BACH2: variants seen among roughly 807,000 people sequenced by gnomAD.
BACH2 encodes the protein transcription regulator protein BACH2.
In BACH2, 5 loss-of-function variants were observed where a neutral mutation model predicts 61.8. The observed-to-expected ratio is 0.08, with a 90% CI of 0.04 to 0.17. BACH2 has a LOEUF of 0.17. Among genes scored for constraint, BACH2 ranks in the 10% least tolerant of loss-of-function variants. The pLI is 1.00. For missense variants in BACH2, 824 were observed against 1,091.1 expected (o/e 0.76, Z 3.45); for synonymous variants, 446 against 440.1 (o/e 1.01, Z -0.17).
chr6:90,168,259 CCAGAGGA>C (rs1767696495), intron 4 of BACH2, among the ~76,000 whole-genome samples: 1 of 151,980 alleles, frequency 6.6e-6, no homozygotes, highest in African/African-American at 2.4e-5. Flanking sequence ...AAGCCTGAGG[CCAGAGGA>C]CTGCTTGAGC....
At chr6:90,287,313 A>T (rs775747213) in intron 1 of BACH2, among the ~76,000 whole-genome samples, 3 of 152,226 alleles carry the variant, frequency 2.0e-5, no homozygotes, top group Non-Finnish European at 4.4e-5. Flanking sequence ...ATTTTGAAAT[A>T]AATTTATCAA....
chr6:90,071,350 T>C lies in BACH2; in HGVS notation c.-13+17611A>G, dbSNP rs560383885. Among the ~76,000 whole-genome samples, 8 of 152,340 alleles carry C rather than the reference T, an allele frequency of 5.3e-5. No individual in the cohort carries two copies. The South Asian group carries it at 1.7e-3, about 32-fold the overall frequency. On this transcript the variant is annotated intron_variant, in intron 5 of 8. Coordinates refer to ENST00000257749, the MANE Select transcript of BACH2 (RefSeq NM_021813.4). The stretch of plus-strand genomic sequence containing the variant: ...TCTTGCAGTACAGCATAATAAGTTC[T>C]GCGAAGGAGGCAGCCAGTGGGCTAT...
chr6:90,109,315 C>A (rs1274606553), intron 4 of BACH2, among the ~76,000 whole-genome samples: 1 of 152,126 alleles, frequency 6.6e-6, no homozygotes, highest in East Asian at 1.9e-4. Flanking sequence ...GAAACCACTT[C>A]TTCTTGTGGC....
intron 6 of BACH2, among the ~76,000 whole-genome samples, chr6:89,955,522 A>T (rs1181923820): frequency 6.6e-6 from 1 of 152,188 alleles, no homozygotes; most frequent in Non-Finnish European, 1.5e-5. Context: ...TTGCTTTGAT[A>T]CGATGGCTAC....
chr6:90,066,155 G>A (rs1168275097), intron 5 of BACH2, among the ~76,000 whole-genome samples: 3 of 152,180 alleles, frequency 2.0e-5, no homozygotes, highest in Non-Finnish European at 4.4e-5. Flanking sequence ...TTCACAGCCA[G>A]GCTCAGTATG....
rs188434540 is a variant in BACH2, at chr6:89,946,328, T to C, written c.1836+3942A>G. On this transcript the variant is annotated intron_variant, in intron 7 of 8. Transcript: ENST00000257749. ...AAAAATTAAAAAGACTGGTGACAACTAGTATGGGCAAGAATAGGGGAAATT... is the reference window on the plus strand; with the variant it reads ...AAAAATTAAAAAGACTGGTGACAACCAGTATGGGCAAGAATAGGGGAAATT... Among the ~76,000 whole-genome samples the C allele has an allele frequency of 2.0e-5, 3 of 152,298 alleles. No homozygotes were observed. The East Asian group carries it at 5.8e-4, about 29-fold the overall frequency.
chr6:90,215,788 A>G (rs547470639), intron 3 of BACH2, among the ~76,000 whole-genome samples: 1 of 152,288 alleles, frequency 6.6e-6, no homozygotes, highest in East Asian at 1.9e-4. Flanking sequence ...TCCTCATTAC[A>G]GAGTGCCATT....
At chr6:90,273,848 T>G (rs1728231872) in intron 1 of BACH2, among the ~76,000 whole-genome samples, 1 of 152,164 alleles carries the variant, frequency 6.6e-6, no homozygotes, top group Non-Finnish European at 1.5e-5. Context: ...TGGGTGCCCC[T>G]AAGTGGGTAA....
chr6:90,184,711 TGTCACTCCTGGGAA>T (rs1768291573), intron 4 of BACH2, among the ~76,000 whole-genome samples: 1 of 152,196 alleles, frequency 6.6e-6, no homozygotes, highest in Non-Finnish European at 1.5e-5. Context: ...GGATGGTCTC[TGTCACTCCTGGGAA>T]GTCCCTGCAG....
chr6:89,934,921 C>T (rs906351430), intron 8 of BACH2, among the ~76,000 whole-genome samples: 4 of 152,026 alleles, frequency 2.6e-5, no homozygotes, highest in South Asian at 2.1e-4. Flanking sequence ...ATCTGGCAGG[C>T]GGCGTGGGCA....
intron 2 of BACH2, among the ~76,000 whole-genome samples, chr6:90,256,407 CT>C (rs1770981422): frequency 6.6e-6 from 1 of 152,176 alleles, no homozygotes; most frequent in Non-Finnish European, 1.5e-5. Flanking sequence ...GTTTTTCCCC[CT>C]CTCTTGATGT....
chr6:90,014,944 ATTTT>A (rs386407909), intron 5 of BACH2, among the ~76,000 whole-genome samples: 1 of 133,650 alleles, frequency 7.5e-6, no homozygotes, highest in South Asian at 2.4e-4. Flanking sequence ...ATGTTCAGCT[ATTTT>A]TTTTTTTTTT....
intron 4 of BACH2, among the ~76,000 whole-genome samples, chr6:90,109,095 C>A (rs565294696): frequency 6.6e-6 from 1 of 152,226 alleles, no homozygotes; most frequent in South Asian, 2.1e-4. Flanking sequence ...GAAGGAAGAC[C>A]CTCAAAATAG....
intron 5 of BACH2, among the ~76,000 whole-genome samples, chr6:90,052,857 C>A (rs1342743088): frequency 6.6e-6 from 1 of 152,136 alleles, no homozygotes; most frequent in Non-Finnish European, 1.5e-5. Flanking sequence ...TTTAAAAAAT[C>A]TTAATGTTTA....
intron 4 of BACH2, among the ~76,000 whole-genome samples, chr6:90,145,799 A>G (rs984442952): frequency 4.6e-5 from 7 of 152,224 alleles, no homozygotes; most frequent in Non-Finnish European, 1.0e-4. Flanking sequence ...CCGAAAGTAC[A>G]TGATTGGATT....
intron 7 of BACH2, among the ~76,000 whole-genome samples, chr6:89,946,311 A>G (rs981680484): frequency 2.6e-5 from 4 of 152,238 alleles, no homozygotes; most frequent in Non-Finnish European, 5.9e-5. Context: ...GCAAAAATTA[A>G]AAAGACTGGT....
intron 4 of BACH2, among the ~76,000 whole-genome samples, chr6:90,125,961 A>G (rs901930972): frequency 1.3e-5 from 2 of 152,220 alleles, no homozygotes; most frequent in African/African-American, 2.4e-5. Flanking sequence ...CATTCTCTGC[A>G]TACAGTACAG....
chr6:90,152,334 T>C (rs959964714), intron 4 of BACH2, among the ~76,000 whole-genome samples: 1 of 152,222 alleles, frequency 6.6e-6, no homozygotes, highest in African/African-American at 2.4e-5. Flanking sequence ...TCAGCAGTAA[T>C]GCTGAAATAA....
intron 5 of BACH2, among the ~76,000 whole-genome samples, chr6:90,027,406 C>T (rs371499483): frequency 3.2e-4 from 48 of 152,238 alleles, no homozygotes; most frequent in African/African-American, 9.9e-4. Flanking sequence ...ATGCCTATAC[C>T]ACTGCCACTC....
Sources: allele counts gnomAD v4.1 joint callset (sites outside exome capture counted in the v4.1 genomes callset), GRCh38; gene constraint gnomAD v4.1.1; transcripts MANE v1.5; gene names NCBI Gene and HGNC (gene_info 2026-07-23, HGNC 2026-07-21).